The following ZNF749 variants were observed in gnomAD, a reference collection of about 807,000 sequenced individuals.
The protein encoded by ZNF749 is zinc finger protein 749.
ZNF749 carries 8 observed loss-of-function variants against 7.3 expected under a neutral mutation model. That is an observed-to-expected ratio of 1.10 (90% confidence interval 0.64 to 1.98). ZNF749 has a LOEUF of 1.98. Ranked by LOEUF, ZNF749 falls within the 30% of genes most tolerant of loss-of-function variation. ZNF749 has a pLI of 0.00. For synonymous variants in ZNF749, 310 were observed against 322.4 expected, an observed-to-expected ratio of 0.96 and a Z score of 0.41; for missense variants, 898 against 932.4, an observed-to-expected ratio of 0.96 and a Z score of 0.48.
At chr19:57,435,617 C>T (rs2088927389) in intron 1 of ZNF749, 24 bp downstream of exon 1, 6 of 1,598,944 alleles carry the variant, frequency 3.8e-6, no homozygotes, top group African/African-American at 1.3e-5. Flanking sequence ...CCCAGGCCGC[C>T]CCGCCCAACC....
Position 57,435,603 on chromosome 19 carries a change from G to T in ZNF749, c.15+10G>T. 6.2e-7 allele frequency: 1 copy of T among 1,604,450 alleles called. No homozygotes were observed. Among genetic ancestry groups the T allele is most frequent in the Non-Finnish European group, 8.5e-7 (1 of 1,176,614 alleles). On this transcript the variant is annotated intron_variant, in intron 1 of 2. Transcript: ENST00000334181. ...GATGAACCTGACCGAGGTGCGTGCA[G>T]CGTCCCAGGCCGCCCCGCCCAACCC...
intron 1 of ZNF749, among the ~76,000 whole-genome samples, chr19:57,440,280 A>G (rs916600407): frequency 5.3e-5 from 8 of 152,018 alleles, no homozygotes; most frequent in African/African-American, 1.9e-4. Context: ...GGGTGGGGAT[A>G]GCATTGGGGA....
chr19:57,435,206 C>A, upstream of ZNF749: 1 of 366,980 alleles, frequency 2.7e-6, no homozygotes, highest in Non-Finnish European at 5.1e-6. Context: ...ACACTGCGGG[C>A]GACACAGGCA....
chr19:57,443,259 C>T (rs370781039), intron 2 of ZNF749, 32 bp from the exon 3 acceptor site: 11 of 1,555,566 alleles, frequency 7.1e-6, no homozygotes, highest in Admixed American at 3.6e-5. Context: ...CCGGAGTTCA[C>T]GTGCACTTCA....
chr19:57,435,498 G>T lies in ZNF749; in HGVS notation c.-81G>T. On this transcript the variant is annotated 5_prime_UTR_variant, in exon 1 of 3. Transcript: ENST00000334181. ...TGCGGATCGGCTGAGTCGGCTGCAGGCGCCCCTGCCTCCGTCAGCGTCCAG... is the reference window on the plus strand; with the variant it reads ...TGCGGATCGGCTGAGTCGGCTGCAGTCGCCCCTGCCTCCGTCAGCGTCCAG... The T allele has an allele frequency of 6.5e-7, 1 of 1,547,684 alleles. No individual in the cohort carries two copies.
rs187037724 is a variant in ZNF749, at chr19:57,438,119, C to T, written c.15+2526C>T. Reference sequence around the variant, plus strand: ...TGTTACAGGCCGAAAGAATGAGGGTCGTGATCAACTCAGTATGCCACTGGA... The same window carrying T: ...TGTTACAGGCCGAAAGAATGAGGGTTGTGATCAACTCAGTATGCCACTGGA... On this transcript the variant is annotated intron_variant, in intron 1 of 2. Transcript: ENST00000334181. 1.0e-3 allele frequency: 418 copies of T among 398,824 alleles called. 1 individual carries two copies. Among genetic ancestry groups the T allele is most frequent in the African/African-American group, 6.3e-3 (306 of 48,738 alleles). The allele number at this position is 398,824 out of a possible 1,614,324, so 24.7% of individuals were successfully genotyped here.
Position 57,443,509 on chromosome 19 carries a change from C to T in ZNF749, c.361C>T (p.His121Tyr), listed in dbSNP as rs147657698. 4 of 1,614,042 alleles carry T rather than the reference C, an allele frequency of 2.5e-6. No individual in the cohort carries two copies. The African/African-American group carries it at 4.0e-5, about 16-fold the overall frequency. Residue 121 changes from histidine (H) to tyrosine (Y), a missense_variant, in exon 3 of 3, where the codon CAC becomes TAC. Transcript: ENST00000334181. ...CACATGTGCAGCAGAGCATGACCTG[C>T]ACCAAAAGGAGCAGATTAGAGAGAA... is the stretch of plus-strand genomic sequence containing the variant. Reference protein sequence around the residue: ...LYTCAAEHDLHQKEQIREKLT... With the variant: ...LYTCAAEHDLYQKEQIREKLT...
rs538153196 is a variant in ZNF749, at chr19:57,435,913, G to A, written c.15+320G>A. Among the ~76,000 whole-genome samples the A allele has an allele frequency of 3.0e-3, 461 of 152,342 alleles. 2 individuals are homozygous for A. The highest frequency in any genetic ancestry group is 0.011 in the African/African-American group (442 of 41,576). On this transcript the variant is annotated intron_variant, in intron 1 of 2. Coordinates refer to ENST00000334181, the MANE Select transcript of ZNF749 (RefSeq NM_001023561.4). Reference sequence around the variant, plus strand: ...GAGCCATAGAGGGCTGTGCAGGGAGGACGAATGGGAGGGTCACGCCCAGAG... The same window carrying A: ...GAGCCATAGAGGGCTGTGCAGGGAGAACGAATGGGAGGGTCACGCCCAGAG...
At chr19:57,443,252 G>A (rs773230598) in intron 2 of ZNF749, 39 bp from the exon 3 acceptor site, 3 of 1,535,082 alleles carry the variant, frequency 2.0e-6, no homozygotes, top group Admixed American at 3.6e-5. Flanking sequence ...CCTCCCTCCG[G>A]AGTTCACGTG....
At chr19:57,440,520 G>A (rs974376290) in intron 1 of ZNF749, among the ~76,000 whole-genome samples, 11 of 152,066 alleles carry the variant, frequency 7.2e-5, no homozygotes, top group African/African-American at 1.4e-4. Flanking sequence ...TGCCCCAGGC[G>A]CTAGGGAACA....
rs779745864 is a variant in ZNF749, at chr19:57,442,035, G to A, written c.142+24G>A. The A allele has an allele frequency of 6.2e-7, 1 of 1,610,210 alleles. No individual in the cohort carries two copies. Reference sequence around the variant, plus strand: ...AGGTAAGGCCTTCATACCTACTCTGGTGTCTTGTGCTGGGTGCTGTTTTTT... The same window carrying A: ...AGGTAAGGCCTTCATACCTACTCTGATGTCTTGTGCTGGGTGCTGTTTTTT... On this transcript the variant is annotated intron_variant, in intron 2 of 2. Transcript: ENST00000334181. This position sits in a 1 kb window ranked among gnomAD's most constrained non-coding sequence, Gnocchi z 6.6.
rs1411487751 is a variant in ZNF749 at position 57,445,504 on chromosome 19, G to T, written c.*19G>T. 2 of 1,583,586 alleles carry T rather than the reference G, an allele frequency of 1.3e-6. No individual in the cohort carries two copies. Among genetic ancestry groups the T allele is most frequent in the Non-Finnish European group, 1.7e-6 (2 of 1,165,190 alleles). On this transcript the variant is annotated 3_prime_UTR_variant, in exon 3 of 3. Transcript: ENST00000334181. The stretch of plus-strand genomic sequence containing the variant: ...GCCTTAGTGGAGTGAATGCAGGAAA[G>T]TCACCAAAACTGTCACCTCATTCAG...
Position 57,446,791 on chromosome 19 carries a change from C to A in ZNF749, c.*1306C>A, listed in dbSNP as rs973917447. On this transcript the variant is annotated 3_prime_UTR_variant, in exon 3 of 3. Transcript: ENST00000334181. ...TGGTCCATTGCGCCTCAGATATAAA[C>A]CTTAACAGCATGTTACAGTATTGAA... Among the ~76,000 whole-genome samples the A allele has an allele frequency of 1.3e-5, 2 of 152,104 alleles. No homozygotes were observed. The highest frequency in any genetic ancestry group is 1.3e-4 in the Admixed American group (2 of 15,276).
upstream of ZNF749, among the ~76,000 whole-genome samples, chr19:57,431,333 A>G (rs1402013524): frequency 6.6e-6 from 1 of 152,208 alleles, no homozygotes; most frequent in Non-Finnish European, 1.5e-5. Flanking sequence ...TTTCTTTTCA[A>G]CTGAAATGTT....
intron 1 of ZNF749, 21 bp from the exon 2 acceptor site, chr19:57,441,864 G>A (rs1412661330): frequency 1.9e-6 from 3 of 1,613,918 alleles, no homozygotes; most frequent in Non-Finnish European, 2.5e-6. Flanking sequence ...TTCATAGACT[G>A]AAGTGTCATA....
At position 57,446,410 on chromosome 19, in the gene ZNF749, C is replaced by T. The variant is rs534385329; in HGVS notation, c.*925C>T. On this transcript the variant is annotated 3_prime_UTR_variant, in exon 3 of 3. Transcript: ENST00000334181. ...CCCTGGTGCCAAAGAGGTTGGGGAC[C>T]GCTGCTTTAAACTACTCCTCTTCCT... is the stretch of plus-strand genomic sequence containing the variant. Among the ~76,000 whole-genome samples, 3 of 152,236 alleles carry T rather than the reference C, an allele frequency of 2.0e-5. No individual in the cohort carries two copies. The highest frequency in any genetic ancestry group is 4.2e-4 in the South Asian group (2 of 4,818).
rs1435832813 is a variant in ZNF749, at chr19:57,442,056, T to G, written c.142+45T>G. Reference sequence around the variant, plus strand: ...TCTGGTGTCTTGTGCTGGGTGCTGTTTTTTTGCTCTTTTCCATGACAACTC... The same window carrying G: ...TCTGGTGTCTTGTGCTGGGTGCTGTGTTTTTGCTCTTTTCCATGACAACTC... On this transcript the variant is annotated intron_variant, in intron 2 of 2. Coordinates refer to ENST00000334181, the MANE Select transcript of ZNF749 (RefSeq NM_001023561.4). The surrounding 1 kb of genome is among the most constrained non-coding windows in gnomAD (Gnocchi z 6.6). The G allele has an allele frequency of 1.3e-6, 2 of 1,596,476 alleles. No individual in the cohort carries two copies. The highest frequency in any genetic ancestry group is 4.5e-5 in the East Asian group (2 of 44,576).
At position 57,444,279 on chromosome 19, in the gene ZNF749, T is replaced by C. The variant is rs1377595136; in HGVS notation, c.1131T>C (p.Thr377=). 3 of 1,614,108 alleles carry C rather than the reference T, an allele frequency of 1.9e-6. No individual in the cohort carries two copies. Among genetic ancestry groups the C allele is most frequent in the Non-Finnish European group, 2.5e-6 (3 of 1,180,050 alleles). ...TCGGTAGACATCAGAGAGTTCATAC[T>C]GGAGAAAGGCCTTTTGAATGCAGCA... is the stretch of plus-strand genomic sequence containing the variant. The part of the protein sequence containing the change: ...FTLGRHQRVH[T]GERPFECSIC... Residue 377 remains threonine, a synonymous_variant, in exon 3 of 3, where the codon ACT becomes ACC. Coordinates refer to ENST00000334181, the MANE Select transcript of ZNF749 (RefSeq NM_001023561.4).
At position 57,446,938 on chromosome 19, in the gene ZNF749, G is replaced by A. The variant is rs1355916744; in HGVS notation, c.*1453G>A. On this transcript the variant is annotated 3_prime_UTR_variant, in exon 3 of 3. Coordinates refer to ENST00000334181, the MANE Select transcript of ZNF749 (RefSeq NM_001023561.4). Reference sequence around the variant, plus strand: ...AACTTTATAGGGCACTAACATGAACGAAGCTTGCGGGACCCCTCTGGTTGA... The same window carrying A: ...AACTTTATAGGGCACTAACATGAACAAAGCTTGCGGGACCCCTCTGGTTGA... Among the ~76,000 whole-genome samples, 7 of 152,146 alleles carry A rather than the reference G, an allele frequency of 4.6e-5. No individual in the cohort carries two copies. Among genetic ancestry groups the A allele is most frequent in the Admixed American group, 6.6e-5 (1 of 15,266 alleles).
Sources: gnomAD v4.1 joint callset for allele counts (sites outside exome capture counted in the v4.1 genomes callset) on GRCh38, gnomAD v4.1.1 for gene constraint, Gnocchi (gnomAD v3.1) non-coding constraint, MANE v1.5 for transcripts, NCBI Gene and HGNC (gene_info 2026-07-23, HGNC 2026-07-21) for gene names.